Variants in KCTD8 observed in about 807,000 individuals in gnomAD.
KCTD8 encodes potassium channel tetramerization domain containing 8, also known as BTB/POZ domain-containing protein KCTD8.
A neutral mutation model predicts 31.5 loss-of-function variants in KCTD8; 27 were observed. The observed-to-expected ratio is 0.86, with a 90% confidence interval of 0.63 to 1.18. The LOEUF is 1.18. Among genes scored for constraint, KCTD8 ranks in the 50% most tolerant of loss-of-function variants. The probability of loss-of-function intolerance (pLI) is 0.00; values close to 1 mark genes in which losing one functional copy is unlikely to be tolerated. For synonymous variants in KCTD8, 290 were observed against 280.0 expected (o/e 1.04, Z -0.36); for missense variants, 658 against 647.7 (o/e 1.02, Z -0.17).
intron 1 of KCTD8, among the ~76,000 whole-genome samples, chr4:44,276,015 C>A (rs1716739010): frequency 6.6e-6 from 1 of 151,548 alleles, no homozygotes; most frequent in South Asian, 2.1e-4. Context: ...TCATGAGAGT[C>A]AGTAAAAATT....
chr4:44,222,157 G>A (rs1030191887), intron 1 of KCTD8, among the ~76,000 whole-genome samples: 22 of 152,324 alleles, frequency 1.4e-4, no homozygotes, highest in South Asian at 8.3e-4. Context: ...CAGAATTGCT[G>A]TGAGATCACA....
At chr4:44,261,078 A>G (rs1485517995) in intron 1 of KCTD8, among the ~76,000 whole-genome samples, 1 of 152,026 alleles carries the variant, frequency 6.6e-6, no homozygotes, top group African/African-American at 2.4e-5. Context: ...CTTTGAAGGT[A>G]CAGTTAGTAG....
At chr4:44,300,137 G>A (rs1305179172) in intron 1 of KCTD8, among the ~76,000 whole-genome samples, 1 of 152,070 alleles carries the variant, frequency 6.6e-6, no homozygotes, top group Admixed American at 6.6e-5. Context: ...AACCTACAGA[G>A]GTGTAGAATA....
intron 1 of KCTD8, among the ~76,000 whole-genome samples, chr4:44,381,891 C>G (rs1720074405): frequency 6.6e-6 from 1 of 151,630 alleles, no homozygotes; most frequent in South Asian, 2.1e-4. Context: ...GCCTACAGAA[C>G]CATGAGCCAA....
intron 1 of KCTD8, among the ~76,000 whole-genome samples, chr4:44,438,150 T>C (rs1240260279): frequency 6.6e-6 from 1 of 152,214 alleles, no homozygotes. Flanking sequence ...TGCCAGCATC[T>C]GCCTCAGATC....
chr4:44,310,384 GCA>G (rs1454950597), intron 1 of KCTD8, among the ~76,000 whole-genome samples: 7 of 152,128 alleles, frequency 4.6e-5, no homozygotes, highest in African/African-American at 1.7e-4. Context: ...AAAAATGGGA[GCA>G]GAGAGATTTA....
chr4:44,445,931 T>C (rs1467586208), intron 1 of KCTD8, among the ~76,000 whole-genome samples: 1 of 152,246 alleles, frequency 6.6e-6, no homozygotes, highest in African/African-American at 2.4e-5. Context: ...GTCAATTTTA[T>C]ACAAGCAATA....
chr4:44,436,314 G>A (rs1475338146), intron 1 of KCTD8, among the ~76,000 whole-genome samples: 2 of 151,832 alleles, frequency 1.3e-5, no homozygotes, highest in African/African-American at 4.8e-5. Flanking sequence ...TCAGAACAGG[G>A]GACATTAATC....
intron 1 of KCTD8, among the ~76,000 whole-genome samples, chr4:44,432,500 T>C (rs2109478584): frequency 6.6e-6 from 1 of 151,794 alleles, no homozygotes; most frequent in South Asian, 2.1e-4. Flanking sequence ...CTGAATTCAG[T>C]AGGGAACAAA....
rs1047487576 is a variant in KCTD8, at chr4:44,448,167, C to G, written c.357G>C (p.Ala119=). 8 of 1,612,458 alleles carry G rather than the reference C, an allele frequency of 5.0e-6. No individual in the cohort carries two copies. The Admixed American group carries it at 8.3e-5, about 17-fold the overall frequency. The change falls in exon 1 of 2, where the codon GCG becomes GCC. Residue 119 remains alanine (A), a synonymous_variant. Transcript: ENST00000360029. This position sits in a 1 kb window ranked among gnomAD's most constrained non-coding sequence, Gnocchi z 4.1. ...CCTTCTCGGGGAAGTGCTCCGGCAG[C>G]GCGAGTTGCTTGTCCCGCAGATAAT... ...VLDYLRDKQL[A]LPEHFPEKER...
intron 1 of KCTD8, among the ~76,000 whole-genome samples, chr4:44,314,140 G>T (rs563344433): frequency 1.3e-5 from 2 of 152,194 alleles, no homozygotes; most frequent in Non-Finnish European, 2.9e-5. Context: ...GAGGGTTAAT[G>T]ATATTACCCC....
At chr4:44,366,808 C>G (rs2109433551) in intron 1 of KCTD8, among the ~76,000 whole-genome samples, 1 of 152,230 alleles carries the variant, frequency 6.6e-6, no homozygotes, top group East Asian at 1.9e-4. Flanking sequence ...TTTGTATAGT[C>G]CTAGAAATCC....
rs778189286 is a variant in KCTD8 at position 44,447,621 on chromosome 4, G to A, written c.903C>T (p.Phe301=). ...VACNSSGTAA[F]VNQYRDDKIW... ...TCTTGTCGTCGCGGTACTGGTTGACGAAGGCGGCGGTGCCCGAGGAGTTAC... is the reference window on the plus strand; with the variant it reads ...TCTTGTCGTCGCGGTACTGGTTGACAAAGGCGGCGGTGCCCGAGGAGTTAC... The change falls in exon 1 of 2, where the codon TTC becomes TTT. Residue 301 remains phenylalanine (F), a synonymous_variant. Coordinates refer to ENST00000360029, the MANE Select transcript of KCTD8 (RefSeq NM_198353.3). 2 of 1,605,694 alleles carry A rather than the reference G, an allele frequency of 1.2e-6. No individual in the cohort carries two copies. Among genetic ancestry groups the A allele is most frequent in the Non-Finnish European group, 1.7e-6 (2 of 1,176,462 alleles).
intron 1 of KCTD8, among the ~76,000 whole-genome samples, chr4:44,397,699 A>C (rs1424520714): frequency 6.6e-6 from 1 of 152,138 alleles, no homozygotes; most frequent in African/African-American, 2.4e-5. Flanking sequence ...TGTAAAAATG[A>C]GATTATATCT....
At chr4:44,284,051 C>T (rs1490673522) in intron 1 of KCTD8, among the ~76,000 whole-genome samples, 1 of 152,108 alleles carries the variant, frequency 6.6e-6, no homozygotes, top group African/African-American at 2.4e-5. Context: ...GACCTTACTG[C>T]CCAAAGTAAT....
intron 1 of KCTD8, among the ~76,000 whole-genome samples, chr4:44,346,280 C>T (rs773736257): frequency 5.3e-5 from 8 of 152,036 alleles, no homozygotes; most frequent in African/African-American, 9.7e-5. Context: ...TTGCTGTAAC[C>T]GGATGCCCTT....
intron 1 of KCTD8, among the ~76,000 whole-genome samples, chr4:44,384,881 C>G (rs1004812596): frequency 1.3e-5 from 2 of 151,210 alleles, no homozygotes; most frequent in African/African-American, 4.9e-5. Context: ...ACACATGTAT[C>G]AAAATGTCAC....
rs190790099 is a variant in KCTD8 at position 44,179,308 on chromosome 4, T to A, written c.962-4058A>T. 2.9e-3 allele frequency among the ~76,000 whole-genome samples: 439 copies of A among 152,070 alleles called. 1 individual carries two copies. The highest frequency in any genetic ancestry group is 6.8e-3 in the Middle Eastern group (2 of 294). On this transcript the variant is annotated intron_variant, in intron 1 of 1. Coordinates refer to ENST00000360029, the MANE Select transcript of KCTD8 (RefSeq NM_198353.3). ...GAGTCTATTAAAGAATAGTATTTTATAATTATACAGTGTTTGAAATGCTTG... is the reference window on the plus strand; with the variant it reads ...GAGTCTATTAAAGAATAGTATTTTAAAATTATACAGTGTTTGAAATGCTTG...
intron 1 of KCTD8, among the ~76,000 whole-genome samples, chr4:44,383,570 C>T (rs931360878): frequency 7.9e-5 from 12 of 151,944 alleles, no homozygotes; most frequent in African/African-American, 2.9e-4. Context: ...GGGGAAAGGA[C>T]AGTCCGTCTC....
Sources: allele counts gnomAD v4.1 joint callset (sites outside exome capture counted in the v4.1 genomes callset), GRCh38; gene constraint gnomAD v4.1.1; non-coding constraint Gnocchi (gnomAD v3.1); transcripts MANE v1.5; gene names NCBI Gene and HGNC (gene_info 2026-07-23, HGNC 2026-07-21).